PLXNA4: variants seen among roughly 807,000 people sequenced by gnomAD.
PLXNA4 encodes plexin A4.
In PLXNA4, 44 loss-of-function variants were observed where a neutral mutation model predicts 191.8. The observed-to-expected ratio is 0.23, with a 90% CI of 0.18 to 0.29. The LOEUF is 0.29. Ranked by LOEUF, PLXNA4 falls within the 10% of genes least tolerant of loss-of-function variation. The pLI is 1.00. For synonymous variants in PLXNA4, 1,082 were observed against 1,009.5 expected (o/e 1.07, Z -1.36); for missense variants, 1,800 against 2,488.8 (o/e 0.72, Z 5.89).
intron 1 of PLXNA4, among the ~76,000 whole-genome samples, chr7:132,527,619 A>G (rs1429700598): frequency 6.6e-6 from 1 of 151,910 alleles, no homozygotes; most frequent in East Asian, 1.9e-4. Context: ...TTCAGTCCAA[A>G]GTGAAAAATC....
chr7:132,233,861 A>C (rs141870711), intron 5 of PLXNA4, among the ~76,000 whole-genome samples: 1 of 152,352 alleles, frequency 6.6e-6, no homozygotes, highest in Non-Finnish European at 1.5e-5. Flanking sequence ...TCTATTGAAC[A>C]AAACCTTAGG....
intron 1 of PLXNA4, among the ~76,000 whole-genome samples, chr7:132,525,090 CT>C (rs1381706633): frequency 1.3e-5 from 2 of 152,182 alleles, no homozygotes; most frequent in East Asian, 3.8e-4. Context: ...CCCCCTGCCC[CT>C]GACAACCTCC....
At chr7:132,377,909 C>T (rs1012511508) in intron 3 of PLXNA4, among the ~76,000 whole-genome samples, 2 of 152,136 alleles carry the variant, frequency 1.3e-5, no homozygotes, top group Non-Finnish European at 2.9e-5. Context: ...CACACACCCA[C>T]GTTCTACTGG....
At chr7:132,283,555 C>A (rs562767502) in intron 4 of PLXNA4, among the ~76,000 whole-genome samples, 1 of 152,228 alleles carries the variant, frequency 6.6e-6, no homozygotes, top group East Asian at 1.9e-4. Context: ...CTCCTTTCCC[C>A]AAATCGCAAG....
chr7:132,358,234 T>C (rs75323444), intron 3 of PLXNA4, among the ~76,000 whole-genome samples: 1 of 152,378 alleles, frequency 6.6e-6, no homozygotes, highest in Non-Finnish European at 1.5e-5. Flanking sequence ...CACTTCCAAT[T>C]CAGATGTTTG....
rs1258463026 is a variant in PLXNA4 at position 132,411,650 on chromosome 7, TATC to T, written c.1371+77639_1371+77641del. On this transcript the variant is annotated intron_variant, in intron 3 of 31. Transcript: ENST00000321063. ...AGTCCAAATTCCCTGTATATGTTGA[TATC>T]ATCTCAGTAAACATTGAGGAACAAA... Among the ~76,000 whole-genome samples, 7 of 152,192 alleles carry T rather than the reference TATC, an allele frequency of 4.6e-5. 1 individual carries two copies. In the South Asian group the frequency reaches 1.0e-3, roughly 23 times the overall value.
chr7:132,290,605 G>A (rs914605566), intron 4 of PLXNA4, among the ~76,000 whole-genome samples: 1 of 152,152 alleles, frequency 6.6e-6, no homozygotes, highest in African/African-American at 2.4e-5. Flanking sequence ...CACATACAAA[G>A]CAAGAAGGAG....
At chr7:132,133,563 C>T (rs374577752) in intron 30 of PLXNA4, among the ~76,000 whole-genome samples, 147 of 152,208 alleles carry the variant, frequency 9.7e-4, no homozygotes, top group Middle Eastern at 3.4e-3. Context: ...CTCCCACAGA[C>T]GCAAGGGATC....
chr7:132,211,865 A>T (rs1488921859), intron 9 of PLXNA4, among the ~76,000 whole-genome samples: 1 of 152,158 alleles, frequency 6.6e-6, no homozygotes, highest in East Asian at 1.9e-4. Flanking sequence ...ACAGTGAATC[A>T]CTGGGCCCCT....
At chr7:132,394,638 C>A (rs2117010418) in intron 3 of PLXNA4, among the ~76,000 whole-genome samples, 1 of 152,342 alleles carries the variant, frequency 6.6e-6, no homozygotes, top group Admixed American at 6.5e-5. Context: ...GATTAGCCAT[C>A]TTTTAGAAGT....
intron 2 of PLXNA4, among the ~76,000 whole-genome samples, chr7:132,501,197 T>G (rs1798235374): frequency 6.6e-6 from 1 of 152,052 alleles, no homozygotes; most frequent in Non-Finnish European, 1.5e-5. Context: ...AGAGAAAGGC[T>G]AAGAGAGGAC....
Position 132,181,419 on chromosome 7 carries a change from T to C in PLXNA4, c.3454A>G (p.Ile1152Val). ...GGCGTGCCAGGCTTGAGCTCCAGGA[T>C]TCCTGAGGGACCAAAGGCCTCAAAC... ...PVFEAFGPSG[I>V]LELKPGTPII... The change falls in exon 18 of 32, where the codon ATC (isoleucine) becomes GTC (valine). Residue 1152 changes from isoleucine (I) to valine (V), a missense_variant. Around this residue, in one of 6 missense-constraint regions of PLXNA4, gnomAD observed 1,397 missense variants for 1,880.4 expected, o/e 0.74. Transcript: ENST00000321063. The C allele has an allele frequency of 6.2e-7, 1 of 1,613,848 alleles. No individual in the cohort carries two copies.
At chr7:132,643,324 AG>A (rs1456951604) in intron 2 of PLXNA4, among the ~76,000 whole-genome samples, 1 of 152,134 alleles carries the variant, frequency 6.6e-6, no homozygotes, top group African/African-American at 2.4e-5. Flanking sequence ...TTCAAGTGCA[AG>A]TTCAGAGCCC....
chr7:132,172,867 A>AC (rs1796334733), intron 21 of PLXNA4, among the ~76,000 whole-genome samples: 2 of 152,152 alleles, frequency 1.3e-5, no homozygotes, highest in Admixed American at 1.3e-4. Context: ...ACTCATCCTC[A>AC]TTGCATTCTT....
At chr7:132,432,329 T>TG (rs761409560) in intron 3 of PLXNA4, among the ~76,000 whole-genome samples, 21 of 152,114 alleles carry the variant, frequency 1.4e-4, no homozygotes, top group Admixed American at 3.3e-4. Flanking sequence ...AAAGCAGGAA[T>TG]GGGGATTTGA....
intron 3 of PLXNA4, among the ~76,000 whole-genome samples, chr7:132,400,697 A>G (rs2117038506): frequency 6.6e-6 from 1 of 152,244 alleles, no homozygotes. Flanking sequence ...TAGCCTCACC[A>G]GCGTTTTGGG....
In PLXNA4 at chr7:132,513,029, G is replaced by A. The variant is rs546702864; in HGVS notation, c.-86-4250C>T. ...GAAGGCAGGAGAACTGAAAGACCCC[G>A]TAACCCAACTCAAACATGCTACAGT... On this transcript the variant is annotated intron_variant, in intron 1 of 31. Transcript: ENST00000321063. Among the ~76,000 whole-genome samples the A allele has an allele frequency of 9.2e-5, 14 of 152,284 alleles. No homozygotes were observed. In the South Asian group the frequency reaches 1.0e-3, roughly 11 times the overall value.
At chr7:132,640,988 G>T (rs1428113832) in intron 2 of PLXNA4, among the ~76,000 whole-genome samples, 2 of 152,158 alleles carry the variant, frequency 1.3e-5, no homozygotes, top group African/African-American at 4.8e-5. Context: ...TTCCAACTCA[G>T]ACTTGAAAAT....
chr7:132,563,124 CT>C (rs1801394444), intron 1 of PLXNA4, among the ~76,000 whole-genome samples: 1 of 104,470 alleles, frequency 9.6e-6, no homozygotes, highest in Admixed American at 8.8e-5. Context: ...CCTCCTCCTT[CT>C]CCTCCTCCTC....
Sources: gnomAD v4.1 joint callset for allele counts (sites outside exome capture counted in the v4.1 genomes callset) on GRCh38, gnomAD v4.1.1 for gene constraint, gnomAD v4.1.1 regional missense constraint, MANE v1.5 for transcripts, NCBI Gene and HGNC (gene_info 2026-07-23, HGNC 2026-07-21) for gene names.